Variants in RIOX2 observed in about 807,000 individuals in gnomAD.
The protein encoded by RIOX2 is ribosomal oxygenase 2.
RIOX2 carries 43 observed loss-of-function variants against 51.2 expected under a neutral mutation model. The observed-to-expected ratio is 0.84, with a 90% CI of 0.66 to 1.08. The LOEUF (loss-of-function observed/expected upper bound fraction) is 1.08, where lower values mean the gene tolerates loss of function less well. Among genes scored for constraint, RIOX2 ranks in the 50% least tolerant of loss-of-function variants. The pLI is 0.00. For synonymous variants in RIOX2, 226 were observed against 218.5 expected, an observed-to-expected ratio of 1.03 and a Z score of -0.30; for missense variants, 566 against 561.7, an observed-to-expected ratio of 1.01 and a Z score of -0.08.
chr3:97,947,204 G>A (rs2040386640), intron 8 of RIOX2, among the ~76,000 whole-genome samples, 157 bp downstream of exon 8: 1 of 152,156 alleles, frequency 6.6e-6, no homozygotes, highest in South Asian at 2.1e-4. Context: ...TTGGAACTGT[G>A]AGATTTGGTC....
In RIOX2 at chr3:97,947,439, T is replaced by A; in HGVS notation, c.1071A>T (p.Leu357Phe). 1 of 1,613,244 alleles carries A rather than the reference T, an allele frequency of 6.2e-7. No homozygotes were observed. Among genetic ancestry groups the A allele is most frequent in the Non-Finnish European group, 8.5e-7 (1 of 1,179,404 alleles). The stretch of plus-strand genomic sequence containing the variant: ...GTCTCACTACACTGTCCAGCCTCGG[T>A]AACTTTCCACCTAGAAAACCCCAAA... ...GAELSTPGGK[L>F]PRLDSVVRLQ... The change falls in exon 8 of 10, where the codon TTA becomes TTT. Residue 357 changes from leucine to phenylalanine, a missense_variant. Physicochemically the swap from Leu to Phe is conservative, Grantham distance 22. Coordinates refer to ENST00000394198, the MANE Select transcript of RIOX2 (RefSeq NM_153182.4).
At position 97,967,309 on chromosome 3, in the gene RIOX2, G is replaced by A. The variant is rs764765283; in HGVS notation, c.285C>T (p.Tyr95=). 4.3e-6 allele frequency: 7 copies of A among 1,614,096 alleles called. No homozygotes were observed. The highest frequency in any genetic ancestry group is 5.9e-6 in the Non-Finnish European group (7 of 1,180,032). The change falls in exon 2 of 10, where the codon TAC becomes TAT. Residue 95 remains tyrosine (Y), a synonymous_variant. Coordinates refer to ENST00000394198, the MANE Select transcript of RIOX2 (RefSeq NM_153182.4). ...GGCAGACATTCACATCTCTTCCATA[G>A]TACATCCCCCGGCTGCACAGACTCT... The part of the protein sequence containing the change: ...DLKSLCSRGM[Y]YGRDVNVCRC...
rs1308089998 is a variant in RIOX2 at position 97,943,794 on chromosome 3, A to G, written c.*1390T>C. On this transcript the variant is annotated 3_prime_UTR_variant, in exon 10 of 10. Coordinates refer to ENST00000394198, the MANE Select transcript of RIOX2 (RefSeq NM_153182.4). ...TAATTTTTTAGCAACACCTGAAAAT[A>G]TACTAAACTTTCCTAGATAAACTTT... is the stretch of plus-strand genomic sequence containing the variant. The G allele has an allele frequency of 6.5e-6, 1 of 153,826 alleles. No individual in the cohort carries two copies. Among genetic ancestry groups the G allele is most frequent in the Admixed American group, 6.6e-5 (1 of 15,244 alleles). The allele number at this position is 153,826 out of a possible 1,614,324, so 9.5% of individuals were successfully genotyped here.
At position 97,961,757 on chromosome 3, in the gene RIOX2, T is replaced by C. The variant is rs1004499813; in HGVS notation, c.433-49A>G. The C allele has an allele frequency of 9.8e-6, 15 of 1,534,530 alleles. No homozygotes were observed. The African/African-American group carries it at 2.0e-4, about 20-fold the overall frequency. On this transcript the variant is annotated intron_variant, in intron 2 of 9. Transcript: ENST00000394198. ...AGGGTCGGCGTGGGGGAGTGAAAAATGTATTAGAAATAAGAATAAGAGCAT... is the reference window on the plus strand; with the variant it reads ...AGGGTCGGCGTGGGGGAGTGAAAAACGTATTAGAAATAAGAATAAGAGCAT...
chr3:97,971,442 C>T lies in RIOX2; in HGVS notation c.-40+939G>A, dbSNP rs534984398. The T allele has an allele frequency of 9.2e-5, 14 of 152,324 alleles. No individual in the cohort carries two copies. The East Asian group carries it at 2.5e-3, about 27-fold the overall frequency. The allele number at this position is 152,324 out of a possible 1,614,324, so 9.4% of individuals were successfully genotyped here. On this transcript the variant is annotated intron_variant, in intron 1 of 9. Transcript: ENST00000394198. Reference sequence around the variant, plus strand: ...GTCAGAAATTATATATTGCTTGTAACAAGGTTGCCCAGACTGATCTAAAAC... The same window carrying T: ...GTCAGAAATTATATATTGCTTGTAATAAGGTTGCCCAGACTGATCTAAAAC...
chr3:97,946,323 A>C (rs1457016149), intron 8 of RIOX2, among the ~76,000 whole-genome samples: 2 of 151,696 alleles, frequency 1.3e-5, no homozygotes, highest in African/African-American at 2.4e-5. Flanking sequence ...GAAGTCATTA[A>C]CTCCTGAGAA....
intron 8 of RIOX2, among the ~76,000 whole-genome samples, chr3:97,946,604 A>ATATATATCTC (rs1553712244): frequency 3.6e-5 from 5 of 139,718 alleles, no homozygotes; most frequent in Non-Finnish European, 7.6e-5. Flanking sequence ...ATATATATAT[A>ATATATATCTC]TATCTATTCA....
intron 6 of RIOX2, among the ~76,000 whole-genome samples, chr3:97,950,443 G>A (rs1476604322): frequency 6.6e-6 from 1 of 152,160 alleles, no homozygotes; most frequent in Non-Finnish European, 1.5e-5. Flanking sequence ...ATACACCGAG[G>A]CCAGGATCTC....
chr3:97,955,534 A>G (rs1253000116), intron 4 of RIOX2, among the ~76,000 whole-genome samples: 1 of 152,134 alleles, frequency 6.6e-6, no homozygotes, highest in African/African-American at 2.4e-5. Flanking sequence ...AAAAATTAAG[A>G]TTCTCCTCAA....
chr3:97,957,186 A>G (rs1221195643), intron 4 of RIOX2, among the ~76,000 whole-genome samples: 1 of 152,184 alleles, frequency 6.6e-6, no homozygotes, highest in African/African-American at 2.4e-5. Flanking sequence ...GTTTCGCCTG[A>G]AGAGGCCCAC....
In RIOX2 at chr3:97,944,360, T is replaced by G. The variant is rs143771346; in HGVS notation, c.*824A>C. ...TTTACTGCACAATTCACAAGCATGT[T>G]TTCCTGGTGAATTGGACTGAAAATT... On this transcript the variant is annotated 3_prime_UTR_variant, in exon 10 of 10. Coordinates refer to ENST00000394198, the MANE Select transcript of RIOX2 (RefSeq NM_153182.4). 326 of 152,440 alleles carry G rather than the reference T, an allele frequency of 2.1e-3. 1 individual carries two copies. The highest frequency in any genetic ancestry group is 7.3e-3 in the African/African-American group (304 of 41,538). 9.4% of individuals were successfully genotyped at this position (152,440 alleles called of 1,614,324 possible). A position where few individuals can be genotyped will look rare whatever the true frequency, so the allele number is the denominator to read the frequency against.
chr3:97,963,863 C>T (rs781737639), intron 2 of RIOX2, among the ~76,000 whole-genome samples: 2 of 152,178 alleles, frequency 1.3e-5, no homozygotes, highest in African/African-American at 2.4e-5. Context: ...CAAACCACCT[C>T]GGTTCAAGTT....
chr3:97,962,324 T>C (rs142289570), intron 2 of RIOX2, among the ~76,000 whole-genome samples: 61 of 151,590 alleles, frequency 4.0e-4, no homozygotes, highest in African/African-American at 1.5e-3. Context: ...AAAAGAGTTT[T>C]ATATTAGGAA....
At chr3:97,950,984 A>C in intron 5 of RIOX2, 96 bp from the exon 6 acceptor site, 1 of 834,138 alleles carries the variant, frequency 1.2e-6, no homozygotes, top group Non-Finnish European at 2.0e-6. Context: ...AAAAGCTACA[A>C]ATTGGATTAT....
chr3:97,954,620 G>T, intron 4 of RIOX2, 125 bp from the exon 5 acceptor site: 1 of 756,432 alleles, frequency 1.3e-6, no homozygotes, highest in African/African-American at 1.7e-5. Context: ...CAACCTCAAG[G>T]CACAGTCTAT....
At chr3:97,945,653 A>T in intron 9 of RIOX2, 145 bp downstream of exon 9, 1 of 657,396 alleles carries the variant, frequency 1.5e-6, no homozygotes, top group Non-Finnish European at 2.6e-6. Flanking sequence ...AATCATCCCC[A>T]TGCAGGAGCT....
At chr3:97,962,930 A>G (rs895237023) in intron 2 of RIOX2, among the ~76,000 whole-genome samples, 1 of 152,214 alleles carries the variant, frequency 6.6e-6, no homozygotes, top group Non-Finnish European at 1.5e-5. Context: ...AAAGGGCACT[A>G]AAGAGACTGA....
intron 4 of RIOX2, among the ~76,000 whole-genome samples, chr3:97,957,093 G>A (rs1307867033): frequency 6.6e-6 from 1 of 152,158 alleles, no homozygotes; most frequent in African/African-American, 2.4e-5. Flanking sequence ...AGGGCTCCAA[G>A]ACCCCCACTG....
intron 8 of RIOX2, 47 bp downstream of exon 8, chr3:97,947,314 A>T: frequency 2.0e-6 from 3 of 1,503,496 alleles, no homozygotes; most frequent in Non-Finnish European, 2.8e-6. Flanking sequence ...GCCTCTGATG[A>T]AAAACACCCT....
Sources: allele counts gnomAD v4.1 joint callset (sites outside exome capture counted in the v4.1 genomes callset), GRCh38; gene constraint gnomAD v4.1.1; transcripts MANE v1.5; gene names NCBI Gene and HGNC (gene_info 2026-07-23, HGNC 2026-07-21).